Variants in PTPRD observed in about 807,000 individuals in gnomAD.
The protein encoded by PTPRD is protein tyrosine phosphatase receptor type D.
A neutral mutation model predicts 214.5 loss-of-function variants in PTPRD; 34 were observed. The ratio of observed to expected loss-of-function variants is 0.16; its 90% CI spans 0.12 to 0.21. The LOEUF is 0.21. Ranked by LOEUF, PTPRD falls within the 10% of genes least tolerant of loss-of-function variation. The pLI is 1.00. For synonymous variants in PTPRD, 1,128 were observed against 845.7 expected (o/e 1.33, Z -5.79); for missense variants, 2,545 against 2,398.7 (o/e 1.06, Z -1.27).
chr9:8,605,053 GAATCACTC>G (rs1449933781), intron 14 of PTPRD, among the ~76,000 whole-genome samples: 2 of 152,114 alleles, frequency 1.3e-5, no homozygotes, highest in African/African-American at 4.8e-5. Flanking sequence ...TCTATTAGTT[GAATCACTC>G]TTGGTAACCT....
chr9:9,067,145 G>C (rs1265212573), intron 10 of PTPRD, among the ~76,000 whole-genome samples: 1 of 152,240 alleles, frequency 6.6e-6, no homozygotes, highest in East Asian at 1.9e-4. Context: ...CAGGAGAATC[G>C]CTTGAACCTG....
At chr9:9,933,298 T>G (rs1363513708) in intron 5 of PTPRD, among the ~76,000 whole-genome samples, 3 of 152,148 alleles carry the variant, frequency 2.0e-5, no homozygotes, top group Non-Finnish European at 4.4e-5. Flanking sequence ...GGATAAAGAG[T>G]CAAGACCCAT....
At chr9:9,435,650 A>G (rs1166502828) in intron 8 of PTPRD, among the ~76,000 whole-genome samples, 1 of 152,196 alleles carries the variant, frequency 6.6e-6, no homozygotes, top group Non-Finnish European at 1.5e-5. Context: ...ACATGTAAGT[A>G]AAAGTTGCAT....
intron 12 of PTPRD, among the ~76,000 whole-genome samples, chr9:8,693,192 C>T (rs2097844683): frequency 6.6e-6 from 1 of 152,178 alleles, no homozygotes; most frequent in Non-Finnish European, 1.5e-5. Flanking sequence ...CAGTCCACCA[C>T]CACAACTCCC....
At chr9:9,741,072 C>T (rs947461270) in intron 6 of PTPRD, among the ~76,000 whole-genome samples, 6 of 151,976 alleles carry the variant, frequency 3.9e-5, no homozygotes, top group Non-Finnish European at 8.8e-5. Context: ...TTTGGGCAAC[C>T]GGGTGATGAT....
chr9:9,627,392 T>G (rs1053742820), intron 7 of PTPRD, among the ~76,000 whole-genome samples: 2 of 152,210 alleles, frequency 1.3e-5, no homozygotes, highest in Admixed American at 6.5e-5. Context: ...TGTATTCGTT[T>G]GTCATCTATG....
intron 6 of PTPRD, among the ~76,000 whole-genome samples, chr9:9,764,074 T>A (rs569212249): frequency 6.6e-6 from 1 of 152,292 alleles, no homozygotes; most frequent in South Asian, 2.1e-4. Flanking sequence ...AATTAATGTA[T>A]TTACATGTCT....
intron 8 of PTPRD, among the ~76,000 whole-genome samples, chr9:9,570,694 G>A (rs933489526): frequency 6.6e-6 from 1 of 151,278 alleles, no homozygotes; most frequent in Admixed American, 6.6e-5. Context: ...CACAGAGATC[G>A]ATAATTTAGA....
chr9:10,419,103 G>C (rs974232287), intron 2 of PTPRD, among the ~76,000 whole-genome samples: 1 of 151,848 alleles, frequency 6.6e-6, no homozygotes, highest in Non-Finnish European at 1.5e-5. Context: ...GTCCCACGTA[G>C]GGTCTATGTT....
chr9:9,499,821 C>T (rs1172564721), intron 8 of PTPRD, among the ~76,000 whole-genome samples: 3 of 152,080 alleles, frequency 2.0e-5, no homozygotes, highest in Admixed American at 1.3e-4. Flanking sequence ...TCATTTGACA[C>T]TGTCTCATAA....
At chr9:9,905,287 G>C (rs1387080729) in intron 5 of PTPRD, among the ~76,000 whole-genome samples, 1 of 151,510 alleles carries the variant, frequency 6.6e-6, no homozygotes, top group African/African-American at 2.4e-5. Context: ...TGAAAGTCAG[G>C]GTTCTTTTTT....
intron 9 of PTPRD, among the ~76,000 whole-genome samples, chr9:9,194,955 T>C (rs2099937426): frequency 1.3e-5 from 2 of 151,776 alleles, no homozygotes; most frequent in Admixed American, 6.6e-5. Context: ...AGGAGTCAAA[T>C]AGTATTATCA....
intron 3 of PTPRD, among the ~76,000 whole-genome samples, chr9:10,050,872 A>G (rs1995845): frequency 0.26 from 40,055 of 151,924 alleles, 5,677 homozygotes; most frequent in Middle Eastern, 0.38. Context: ...CTATCTAACT[A>G]TCTATTAGAA....
At chr9:9,693,978 C>T (rs148924959) in intron 7 of PTPRD, among the ~76,000 whole-genome samples, 160 of 152,200 alleles carry the variant, frequency 1.1e-3, no homozygotes, top group East Asian at 5.2e-3. Flanking sequence ...TAAATTTATC[C>T]GACAGAATTG....
At chr9:10,134,832 G>C (rs1025523664) in intron 3 of PTPRD, among the ~76,000 whole-genome samples, 3 of 152,120 alleles carry the variant, frequency 2.0e-5, no homozygotes, top group South Asian at 2.1e-4. Context: ...CTTACCTTCA[G>C]ACAATCACCA....
At chr9:9,626,611 TCA>T (rs1411046374) in intron 7 of PTPRD, among the ~76,000 whole-genome samples, 3 of 152,192 alleles carry the variant, frequency 2.0e-5, no homozygotes, top group Non-Finnish European at 4.4e-5. Flanking sequence ...CTTAAAAGTT[TCA>T]CAGAGTCAGG....
chr9:8,475,313 G>A (rs999085001), intron 30 of PTPRD, among the ~76,000 whole-genome samples: 2 of 152,068 alleles, frequency 1.3e-5, no homozygotes, highest in African/African-American at 4.8e-5. Context: ...GAAACATTCT[G>A]AGCCCTTTCT....
intron 9 of PTPRD, among the ~76,000 whole-genome samples, chr9:9,364,182 C>A (rs142600830): frequency 2.2e-4 from 33 of 151,372 alleles, no homozygotes; most frequent in Non-Finnish European, 1.8e-4. Context: ...ATAGACTGAT[C>A]GTTTTTCTCT....
At chr9:9,679,364 AATAT>A (rs1370855222) in intron 7 of PTPRD, among the ~76,000 whole-genome samples, 1 of 151,868 alleles carries the variant, frequency 6.6e-6, no homozygotes, top group Non-Finnish European at 1.5e-5. Context: ...AACATTGTTG[AATAT>A]ATAGTCAATC....
Sources: allele counts gnomAD v4.1 joint callset (sites outside exome capture counted in the v4.1 genomes callset), GRCh38; gene constraint gnomAD v4.1.1; transcripts MANE v1.5; gene names NCBI Gene and HGNC (gene_info 2026-07-23, HGNC 2026-07-21).